WDR11: variants seen among roughly 807,000 people sequenced by gnomAD.
WDR11 encodes WD repeat-containing protein 11.
A neutral mutation model predicts 151.2 loss-of-function variants in WDR11; 83 were observed. The ratio of observed to expected loss-of-function variants is 0.55; its 90% CI spans 0.46 to 0.66. The LOEUF (loss-of-function observed/expected upper bound fraction) is 0.66. WDR11 is among the 30% of genes least tolerant of loss of function. The pLI is 0.00. For synonymous variants in WDR11, 484 were observed against 533.1 expected (o/e 0.91, Z 1.27); for missense variants, 1,301 against 1,480.9 (o/e 0.88, Z 1.99).
At position 120,889,040 on chromosome 10, in the gene WDR11, A is replaced by T. The variant is rs1590099509; in HGVS notation, c.2122-38A>T. The stretch of plus-strand genomic sequence containing the variant: ...TTTATTATAATGTCTTATACAGCAT[A>T]GTGAAATTTATATTTGTTTGTTGCT... On this transcript the variant is annotated intron_variant, in intron 16 of 28. Transcript: ENST00000263461. 5.1e-6 allele frequency: 7 copies of T among 1,380,946 alleles called. No individual in the cohort carries two copies. The Admixed American group carries it at 1.0e-4, about 20-fold the overall frequency. The allele number at this position is 1,380,946 out of a possible 1,614,324, so 85.5% of individuals were successfully genotyped here. A position where few individuals can be genotyped will look rare whatever the true frequency, so the allele number is the denominator to read the frequency against.
intron 27 of WDR11, chr10:120,906,260 G>A: frequency 7.2e-7 from 1 of 1,384,064 alleles, no homozygotes; most frequent in Non-Finnish European, 9.3e-7. Flanking sequence ...CAGGCACCTA[G>A]TAAAAGGGAA....
At position 120,904,636 on chromosome 10, in the gene WDR11, C is replaced by G. The variant is rs1035465781; in HGVS notation, c.3028-10C>G. Reference sequence around the variant, plus strand: ...GTTCTCATAATTAGAAAAACCGTTTCTCTTACTAGACAGACAGAGCTGTGC... The same window carrying G: ...GTTCTCATAATTAGAAAAACCGTTTGTCTTACTAGACAGACAGAGCTGTGC... On this transcript the variant is annotated splice_polypyrimidine_tract_variant and intron_variant, in intron 24 of 28. Transcript: ENST00000263461. The G allele has an allele frequency of 6.2e-7, 1 of 1,614,120 alleles. No homozygotes were observed. The highest frequency in any genetic ancestry group is 1.3e-5 in the African/African-American group (1 of 75,040).
At chr10:120,869,804 T>TA (rs1472722317) in intron 9 of WDR11, among the ~76,000 whole-genome samples, 1 of 149,670 alleles carries the variant, frequency 6.7e-6, no homozygotes, top group Non-Finnish European at 1.5e-5. Context: ...TATTTTATTT[T>TA]TTTTGAGATG....
chr10:120,858,864 T>G (rs1846036330), intron 3 of WDR11, 68 bp downstream of exon 3: 1 of 1,595,758 alleles, frequency 6.3e-7, no homozygotes, highest in Non-Finnish European at 8.6e-7. Context: ...TTTTTGGTTT[T>G]GGGGGTTTTC....
At chr10:120,876,335 T>C (rs1411587019) in intron 11 of WDR11, among the ~76,000 whole-genome samples, 1 of 152,152 alleles carries the variant, frequency 6.6e-6, no homozygotes, top group African/African-American at 2.4e-5. Context: ...TCTGAAAAGT[T>C]TGCATTGTCT....
At position 120,875,428 on chromosome 10, in the gene WDR11, G is replaced by A. The variant is rs140355994; in HGVS notation, c.1556+1505G>A. On this transcript the variant is annotated intron_variant, in intron 11 of 28. Transcript: ENST00000263461. The stretch of plus-strand genomic sequence containing the variant: ...CCTGTGCTGTCCATAGCATTATTTC[G>A]CTGAATGCAAGGCTATTTTCCTTTT... Among the ~76,000 whole-genome samples, 47 of 152,202 alleles carry A rather than the reference G, an allele frequency of 3.1e-4. 1 individual carries two copies. The East Asian group carries it at 4.8e-3, about 16-fold the overall frequency.
At chr10:120,853,505 T>C (rs555554432) in intron 2 of WDR11, among the ~76,000 whole-genome samples, 9 of 152,222 alleles carry the variant, frequency 5.9e-5, no homozygotes, top group African/African-American at 2.2e-4. Flanking sequence ...GACCTCGTGA[T>C]CCACCCGCCT....
Position 120,900,984 on chromosome 10 carries a change from C to T in WDR11, c.2625-52C>T, listed in dbSNP as rs373028149. 31 of 1,257,130 alleles carry T rather than the reference C, an allele frequency of 2.5e-5. No individual in the cohort carries two copies. In the Middle Eastern group the frequency reaches 7.4e-4, roughly 30 times the overall value. 77.9% of individuals were successfully genotyped at this position (1,257,130 alleles called of 1,614,324 possible). ...ACAACTTTTTTCAGGTGAAGAAATA[C>T]GTGGTTTTAAGTGAAGAGATAATGA... On this transcript the variant is annotated intron_variant, in intron 20 of 28. Transcript: ENST00000263461.
At chr10:120,880,549 C>G in intron 12 of WDR11, 1 of 374,652 alleles carries the variant, frequency 2.7e-6, no homozygotes, top group Admixed American at 3.9e-5. Flanking sequence ...ATCCCAGCTA[C>G]TCGGGATGCT....
chr10:120,874,183 TTTTTTTTTTGTTGTTGTTGTTGTTGTTTG>T (rs1846653203), intron 11 of WDR11, among the ~76,000 whole-genome samples: 1 of 61,114 alleles, frequency 1.6e-5, no homozygotes, highest in Non-Finnish European at 3.8e-5. Flanking sequence ...GCAGTTTTTT[TTTTTTTTTTGTTGTTGTTGTTGTTGTTTG>T]TTTTGTTTTG....
intron 9 of WDR11, among the ~76,000 whole-genome samples, chr10:120,868,176 A>G (rs958181583): frequency 6.6e-6 from 1 of 152,180 alleles, no homozygotes; most frequent in Non-Finnish European, 1.5e-5. Context: ...AGCATTGGCC[A>G]GGCGCAGTGA....
chr10:120,869,805 T>A (rs575261372), intron 9 of WDR11, among the ~76,000 whole-genome samples: 3 of 118,952 alleles, frequency 2.5e-5, no homozygotes, highest in South Asian at 2.7e-4. Flanking sequence ...ATTTTATTTT[T>A]TTTGAGATGG....
At chr10:120,857,912 A>T (rs1004241692) in intron 2 of WDR11, among the ~76,000 whole-genome samples, 1 of 152,212 alleles carries the variant, frequency 6.6e-6, no homozygotes, top group Non-Finnish European at 1.5e-5. Context: ...AAATAAGTAC[A>T]AATTGTGTAG....
At chr10:120,852,499 A>C in intron 1 of WDR11, 25 bp from the exon 2 acceptor site, 1 of 1,604,910 alleles carries the variant, frequency 6.2e-7, no homozygotes. Flanking sequence ...TCTGTACTTA[A>C]ACTTTAACAT....
intron 6 of WDR11, 100 bp downstream of exon 6, chr10:120,865,312 TTCTC>T: frequency 8.1e-7 from 1 of 1,230,548 alleles, no homozygotes; most frequent in African/African-American, 1.5e-5. Context: ...GTTCTCCACT[TTCTC>T]TTTTCAATTT....
intron 2 of WDR11, among the ~76,000 whole-genome samples, chr10:120,853,447 A>G (rs932053098): frequency 6.6e-6 from 1 of 152,012 alleles, no homozygotes; most frequent in Non-Finnish European, 1.5e-5. Context: ...TTGTATTTTT[A>G]GTAGAGACCG....
intron 9 of WDR11, among the ~76,000 whole-genome samples, chr10:120,869,145 C>G (rs1182185146): frequency 3.1e-4 from 36 of 117,916 alleles, no homozygotes; most frequent in African/African-American, 1.1e-3. Context: ...GAGTCTTGCT[C>G]TGTCGCCCAG....
Position 120,904,774 on chromosome 10 carries a change from G to A in WDR11, c.3156G>A (p.Leu1052=). Reference sequence around the variant, plus strand: ...GCCCCTCTCAGAGCACCATTAAGTTGGTGGCAACGAATATGATTGCCAATG... The same window carrying A: ...GCCCCTCTCAGAGCACCATTAAGTTAGTGGCAACGAATATGATTGCCAATG... ...SSGPSQSTIK[L]VATNMIANGK... Residue 1052 remains leucine, a synonymous_variant, in exon 25 of 29, where the codon TTG becomes TTA. Coordinates refer to ENST00000263461, the MANE Select transcript of WDR11 (RefSeq NM_018117.12). 1 of 1,614,118 alleles carries A rather than the reference G, an allele frequency of 6.2e-7. No homozygotes were observed. The highest frequency in any genetic ancestry group is 1.1e-5 in the South Asian group (1 of 91,076).
Position 120,868,146 on chromosome 10 carries a change from A to G in WDR11, c.1294+977A>G, listed in dbSNP as rs190900231. On this transcript the variant is annotated intron_variant, in intron 9 of 28. Coordinates refer to ENST00000263461, the MANE Select transcript of WDR11 (RefSeq NM_018117.12). ...TTTTTTGTTGTTGTTGAAACGCTAA[A>G]TAAGTGATGCACTAGAAAGAGCATT... Among the ~76,000 whole-genome samples the G allele has an allele frequency of 1.1e-4, 16 of 152,300 alleles. No homozygotes were observed. The East Asian group carries it at 2.9e-3, about 28-fold the overall frequency.
Sources: allele counts gnomAD v4.1 joint callset (sites outside exome capture counted in the v4.1 genomes callset), GRCh38; gene constraint gnomAD v4.1.1; transcripts MANE v1.5; gene names NCBI Gene and HGNC (gene_info 2026-07-23, HGNC 2026-07-21).